The following TNS3 variants were observed in gnomAD, a reference collection of about 807,000 sequenced individuals.
TNS3 encodes the protein tensin 3, also known as tensin-3.
In TNS3, 45 loss-of-function variants were observed where a neutral mutation model predicts 140.9. That is an observed-to-expected ratio of 0.32 (90% CI 0.25 to 0.41). The LOEUF is 0.41. Among genes scored for constraint, TNS3 ranks in the 10% least tolerant of loss-of-function variants. The probability of loss-of-function intolerance (pLI) is 1.00; values close to 1 mark genes in which losing one functional copy is unlikely to be tolerated. For missense variants in TNS3, 1,716 were observed against 1,906.7 expected, an observed-to-expected ratio of 0.90 and a Z score of 1.86; for synonymous variants, 815 against 788.4, an observed-to-expected ratio of 1.03 and a Z score of -0.56.
At chr7:47,556,376 C>T (rs1473380690) in intron 1 of TNS3, among the ~76,000 whole-genome samples, 2 of 152,170 alleles carry the variant, frequency 1.3e-5, no homozygotes, top group Non-Finnish European at 2.9e-5. Flanking sequence ...AGGGCCAAGA[C>T]CCCCTGAGCA....
At chr7:47,569,879 T>C (rs1164685824) in intron 1 of TNS3, among the ~76,000 whole-genome samples, 3 of 150,584 alleles carry the variant, frequency 2.0e-5, no homozygotes, top group African/African-American at 4.9e-5. Flanking sequence ...TCGGGCGTGG[T>C]GGCTCACGCC....
intron 10 of TNS3, among the ~76,000 whole-genome samples, chr7:47,418,937 T>C (rs965463523): frequency 1.3e-5 from 2 of 152,254 alleles, no homozygotes; most frequent in African/African-American, 4.8e-5. Context: ...TCCCAACAGC[T>C]TACTCATTCT....
At chr7:47,321,092 G>A (rs909501105) in intron 20 of TNS3, among the ~76,000 whole-genome samples, 3 of 152,230 alleles carry the variant, frequency 2.0e-5, no homozygotes, top group South Asian at 4.1e-4. Flanking sequence ...ACTCCAGGAG[G>A]AGCCAATTGT....
At chr7:47,477,372 G>C (rs927593809) in intron 4 of TNS3, among the ~76,000 whole-genome samples, 1 of 152,200 alleles carries the variant, frequency 6.6e-6, no homozygotes, top group Non-Finnish European at 1.5e-5. Flanking sequence ...GGAGGGCCTG[G>C]GGGTGGGTAC....
chr7:47,387,360 C>T (rs1197034864), intron 16 of TNS3, among the ~76,000 whole-genome samples: 1 of 152,146 alleles, frequency 6.6e-6, no homozygotes, highest in Admixed American at 6.5e-5. Flanking sequence ...AGCTGTTGAC[C>T]CCAAGAGTGT....
chr7:47,308,210 T>A (rs1197809327), intron 20 of TNS3, among the ~76,000 whole-genome samples: 2 of 152,230 alleles, frequency 1.3e-5, no homozygotes, highest in Non-Finnish European at 1.5e-5. Flanking sequence ...AGACTATCTA[T>A]TCTTCATTGA....
At chr7:47,546,995 C>T (rs35317490) in intron 1 of TNS3, among the ~76,000 whole-genome samples, 1 of 152,242 alleles carries the variant, frequency 6.6e-6, no homozygotes, top group Non-Finnish European at 1.5e-5. Flanking sequence ...TTGGAACACC[C>T]TGAGCTGTGG....
chr7:47,344,769 T>G lies in TNS3; in HGVS notation c.2636A>C (p.His879Pro), dbSNP rs1276775552. ...EPPLSSPASQ[H>P]KGGREPRSCP... ...AGATTTCTTACCACGTCCTCCTTTGTGCTGACTGGCTGGGCTGCTCAGCGG... is the reference window on the plus strand; with the variant it reads ...AGATTTCTTACCACGTCCTCCTTTGGGCTGACTGGCTGGGCTGCTCAGCGG... The change falls in exon 20 of 31, where the codon CAC becomes CCC. Residue 879 changes from histidine (H) to proline (P), a missense_variant. By Grantham distance (77) the His-to-Pro change is moderately conservative (BLOSUM62 -2). This residue lies in a region of TNS3 where 1,163 missense variants were observed against 1,182.1 expected (regional missense o/e 0.98). Coordinates refer to ENST00000311160, the MANE Select transcript of TNS3 (RefSeq NM_022748.12). 1 of 1,612,666 alleles carries G rather than the reference T, an allele frequency of 6.2e-7. No homozygotes were observed. Among genetic ancestry groups the G allele is most frequent in the Non-Finnish European group, 8.5e-7 (1 of 1,179,932 alleles).
At chr7:47,498,776 G>C (rs1798107670) in intron 3 of TNS3, among the ~76,000 whole-genome samples, 1 of 152,188 alleles carries the variant, frequency 6.6e-6, no homozygotes. Context: ...CCGGCCAAAG[G>C]TCACCACCAG....
At chr7:47,531,124 A>T (rs968638659) in intron 1 of TNS3, among the ~76,000 whole-genome samples, 2 of 151,970 alleles carry the variant, frequency 1.3e-5, no homozygotes, top group African/African-American at 4.8e-5. Flanking sequence ...GGGTGGAAGG[A>T]GGGTGAAGAT....
At chr7:47,480,890 A>G (rs1035696075) in intron 4 of TNS3, among the ~76,000 whole-genome samples, 8 of 152,264 alleles carry the variant, frequency 5.3e-5, no homozygotes, top group African/African-American at 1.9e-4. Flanking sequence ...GCAAAGGCGC[A>G]GCGGATCCTC....
At chr7:47,329,191 A>G (rs1191612873) in intron 20 of TNS3, among the ~76,000 whole-genome samples, 1 of 152,120 alleles carries the variant, frequency 6.6e-6, no homozygotes, top group East Asian at 1.9e-4. Flanking sequence ...TACATTACTC[A>G]GGGTTTTCAC....
At chr7:47,433,130 C>T (rs1795004758) in intron 8 of TNS3, among the ~76,000 whole-genome samples, 1 of 152,132 alleles carries the variant, frequency 6.6e-6, no homozygotes, top group Non-Finnish European at 1.5e-5. Flanking sequence ...ATAGGAGGAC[C>T]GACCCTCACT....
chr7:47,463,145 G>A (rs1337649348), intron 4 of TNS3, among the ~76,000 whole-genome samples: 3 of 152,114 alleles, frequency 2.0e-5, no homozygotes, highest in African/African-American at 7.2e-5. Context: ...TTCACCAACC[G>A]CTTCAAGGCA....
intron 16 of TNS3, among the ~76,000 whole-genome samples, chr7:47,386,277 C>T (rs1792064100): frequency 6.6e-6 from 1 of 152,238 alleles, no homozygotes; most frequent in African/African-American, 2.4e-5. Flanking sequence ...CCCACATCCA[C>T]AACAGGCAGG....
intron 1 of TNS3, among the ~76,000 whole-genome samples, chr7:47,559,092 C>G (rs1037236667): frequency 6.6e-6 from 1 of 152,228 alleles, no homozygotes; most frequent in Non-Finnish European, 1.5e-5. Flanking sequence ...TGGTTCACAC[C>G]TGTAATCCCA....
At chr7:47,411,080 G>A (rs1170626371) in intron 13 of TNS3, among the ~76,000 whole-genome samples, 5 of 152,110 alleles carry the variant, frequency 3.3e-5, no homozygotes, top group Non-Finnish European at 7.3e-5. Context: ...CCCACACTCT[G>A]GGAGGCCTGT....
rs529118898 is a variant in TNS3 at position 47,361,383 on chromosome 7, G to A, written c.2281+6982C>T. On this transcript the variant is annotated intron_variant, in intron 17 of 30. Transcript: ENST00000311160. ...TCCCTGGCACACTATGCTTTCTCCC[G>A]GTCTGCCTCTCCTCCAGACCATCTG... is the stretch of plus-strand genomic sequence containing the variant. 5.9e-5 allele frequency among the ~76,000 whole-genome samples: 9 copies of A among 152,004 alleles called. No individual in the cohort carries two copies. The South Asian group carries it at 6.3e-4, about 11-fold the overall frequency.
At chr7:47,287,303 T>C (rs1337550659) in intron 27 of TNS3, among the ~76,000 whole-genome samples, 1 of 152,180 alleles carries the variant, frequency 6.6e-6, no homozygotes, top group East Asian at 1.9e-4. Context: ...AACAAAGGCA[T>C]AATGGCCTTA....
Sources: gnomAD v4.1 joint callset for allele counts (sites outside exome capture counted in the v4.1 genomes callset) on GRCh38, gnomAD v4.1.1 for gene constraint, gnomAD v4.1.1 regional missense constraint, MANE v1.5 for transcripts, NCBI Gene and HGNC (gene_info 2026-07-23, HGNC 2026-07-21) for gene names.